Variants in ZNF532 observed in about 807,000 individuals in gnomAD.
ZNF532 encodes zinc finger protein 532.
Under a neutral mutation model 89.3 loss-of-function variants are expected in ZNF532, and 22 were observed. That is an observed-to-expected ratio of 0.25 (90% CI 0.18 to 0.35). ZNF532 has a LOEUF of 0.35. Among genes scored for constraint, ZNF532 ranks in the 10% least tolerant of loss-of-function variants. The probability of loss-of-function intolerance (pLI) is 1.00; values close to 1 mark genes in which losing one functional copy is unlikely to be tolerated. For missense variants in ZNF532, 1,132 were observed against 1,643.4 expected, an observed-to-expected ratio of 0.69 and a Z score of 5.38; for synonymous variants, 606 against 649.6, an observed-to-expected ratio of 0.93 and a Z score of 1.02.
chr18:58,979,026 C>T (rs549060664), intron 7 of ZNF532, 29 bp from the exon 8 acceptor site: 12 of 1,562,898 alleles, frequency 7.7e-6, no homozygotes, highest in South Asian at 1.1e-5. Flanking sequence ...TTTTCATTCC[C>T]TTAAGTGAAC....
intron 2 of ZNF532, among the ~76,000 whole-genome samples, chr18:58,915,969 T>C (rs1410427969): frequency 6.6e-6 from 1 of 152,058 alleles, no homozygotes; most frequent in Non-Finnish European, 1.5e-5. Flanking sequence ...AAAGAAAGAG[T>C]TGGGGGACTA....
At chr18:58,907,608 A>G (rs1437841242) in intron 2 of ZNF532, among the ~76,000 whole-genome samples, 2 of 151,878 alleles carry the variant, frequency 1.3e-5, no homozygotes, top group Admixed American at 6.6e-5. Flanking sequence ...GTCTGTGTAT[A>G]TTCATAATTT....
intron 2 of ZNF532, among the ~76,000 whole-genome samples, chr18:58,901,124 T>A (rs2059574942): frequency 6.6e-6 from 1 of 152,216 alleles, no homozygotes; most frequent in South Asian, 2.1e-4. Context: ...ATGGGACCTT[T>A]CCTCTGGGTC....
At chr18:58,979,385 A>G (rs1046322317) in intron 8 of ZNF532, 34 of 314,480 alleles carry the variant, frequency 1.1e-4, no homozygotes, top group Non-Finnish European at 1.9e-4. Flanking sequence ...TCCCACATAC[A>G]TTGTGTGTTT....
chr18:58,934,068 A>C (rs2062170694), intron 3 of ZNF532, among the ~76,000 whole-genome samples: 1 of 152,236 alleles, frequency 6.6e-6, no homozygotes, highest in Non-Finnish European at 1.5e-5. Context: ...ACTACTGTCA[A>C]GATGTGTATG....
chr18:58,882,417 G>C (rs1326774155), intron 2 of ZNF532, among the ~76,000 whole-genome samples: 1 of 152,102 alleles, frequency 6.6e-6, no homozygotes. Context: ...TAGGATGCAT[G>C]CCTGTTTCCT....
Position 58,959,253 on chromosome 18 carries a change from G to T in ZNF532, c.3150+5454G>T, listed in dbSNP as rs529706964. Among the ~76,000 whole-genome samples the T allele has an allele frequency of 8.8e-4, 107 of 121,588 alleles. No homozygotes were observed. In the South Asian group the frequency reaches 0.012, roughly 13 times the overall value. 79.8% of individuals were successfully genotyped at this position (121,588 alleles called of 152,430 possible). A position where few individuals can be genotyped will look rare whatever the true frequency, so the allele number is the denominator to read the frequency against. ...GAACCTTAGATCTTTTCAGTTTTTT[G>T]TTTTTTGTTTTTTTTTGTTTTTTTT... On this transcript the variant is annotated intron_variant, in intron 7 of 9. Coordinates refer to ENST00000591808, the MANE Select transcript of ZNF532 (RefSeq NM_001375912.1).
chr18:58,916,961 G>T (rs923022957), intron 2 of ZNF532, among the ~76,000 whole-genome samples: 1 of 152,200 alleles, frequency 6.6e-6, no homozygotes, highest in Non-Finnish European at 1.5e-5. Context: ...TTCGAAGGAA[G>T]GATAATGACA....
chr18:58,910,573 T>G (rs984260735), intron 2 of ZNF532, among the ~76,000 whole-genome samples: 1 of 151,826 alleles, frequency 6.6e-6, no homozygotes. Context: ...TTCAAACGAT[T>G]TTGCCGCTTC....
chr18:58,889,727 C>T (rs759450257), intron 2 of ZNF532, among the ~76,000 whole-genome samples: 24 of 151,458 alleles, frequency 1.6e-4, no homozygotes, highest in Middle Eastern at 3.2e-3. Flanking sequence ...GAGCCGAGGT[C>T]ACGCCACTGC....
rs772271814 is a variant in ZNF532, at chr18:58,984,317, G to A, written c.3757G>A (p.Glu1253Lys). ...DNQQENKPSH[E>K]DESPDGAVSD... ...CCAACAGGAGAACAAACCCAGCCACGAGGATGAATCCCCTGATGGCGCCGT... is the reference window on the plus strand; with the variant it reads ...CCAACAGGAGAACAAACCCAGCCACAAGGATGAATCCCCTGATGGCGCCGT... The change falls in exon 10 of 10, where the codon GAG (glutamate) becomes AAG (lysine). Residue 1253 changes from glutamate to lysine, a missense_variant. Coordinates refer to ENST00000591808, the MANE Select transcript of ZNF532 (RefSeq NM_001375912.1). 2.9e-5 allele frequency: 46 copies of A among 1,611,972 alleles called. No individual in the cohort carries two copies. The East Asian group carries it at 3.3e-4, about 12-fold the overall frequency.
At chr18:58,957,363 C>CG (rs2064880336) in intron 7 of ZNF532, among the ~76,000 whole-genome samples, 1 of 90,506 alleles carries the variant, frequency 1.1e-5, no homozygotes, top group Non-Finnish European at 2.0e-5. Flanking sequence ...AACCAGTGAA[C>CG]TTTGTATACT....
intron 2 of ZNF532, among the ~76,000 whole-genome samples, chr18:58,871,489 G>A (rs531340596): frequency 2.0e-5 from 3 of 152,188 alleles, no homozygotes; most frequent in African/African-American, 4.8e-5. Context: ...CTCCCAGCTC[G>A]TAAGTGGAAG....
rs540991973 is a variant in ZNF532, at chr18:58,900,093, C to T, written c.-17-18178C>T. On this transcript the variant is annotated intron_variant, in intron 2 of 9. Transcript: ENST00000591808. Reference sequence around the variant, plus strand: ...TCAGATCTCTTTGTCTAGAGGCTTTCCCATGCATCTGGTGATTGTTTAGGG... The same window carrying T: ...TCAGATCTCTTTGTCTAGAGGCTTTTCCATGCATCTGGTGATTGTTTAGGG... 2.0e-5 allele frequency among the ~76,000 whole-genome samples: 3 copies of T among 152,288 alleles called. No homozygotes were observed. In the East Asian group the frequency reaches 5.8e-4, roughly 29 times the overall value.
At chr18:58,960,786 A>G (rs188790759) in intron 7 of ZNF532, among the ~76,000 whole-genome samples, 62 of 152,306 alleles carry the variant, frequency 4.1e-4, no homozygotes, top group Admixed American at 3.8e-3. Flanking sequence ...GTTGGAGAGA[A>G]AGCTTCCATC....
intron 9 of ZNF532, among the ~76,000 whole-genome samples, chr18:58,983,601 C>CT (rs1033561485): frequency 1.6e-5 from 2 of 126,910 alleles, no homozygotes; most frequent in African/African-American, 9.2e-5. Context: ...ACACATATAC[C>CT]CCCCCCTTGC....
chr18:58,915,174 A>G (rs1368139472), intron 2 of ZNF532, among the ~76,000 whole-genome samples: 1 of 152,150 alleles, frequency 6.6e-6, no homozygotes, highest in Non-Finnish European at 1.5e-5. Flanking sequence ...TAGTTATACA[A>G]CCCCAGAGAG....
chr18:58,940,154 A>G (rs1291181461), intron 5 of ZNF532: 1 of 152,204 alleles, frequency 6.6e-6, no homozygotes, highest in East Asian at 1.9e-4. Flanking sequence ...TGGCCTCCCA[A>G]AGTGCTAGGA....
chr18:58,948,563 C>CTT lies in ZNF532; in HGVS notation c.2868+349_2868+350dup, dbSNP rs1299930937. ...GACTGTGAAGTTTTCCTTTCCTTTC[C>CTT]TTTTTTTTTTTTTTTTCTTTTTGAG... On this transcript the variant is annotated intron_variant, in intron 6 of 9. Transcript: ENST00000591808. Among the ~76,000 whole-genome samples the CTT allele has an allele frequency of 9.1e-3, 1,217 of 133,660 alleles. 24 individuals carry two copies. Among genetic ancestry groups the CTT allele is most frequent in the African/African-American group, 0.031 (1,116 of 36,138 alleles). 87.7% of individuals were successfully genotyped at this position (133,660 alleles called of 152,430 possible). A position where few individuals can be genotyped will look rare whatever the true frequency, so the allele number is the denominator to read the frequency against.
Sources: allele counts gnomAD v4.1 joint callset (sites outside exome capture counted in the v4.1 genomes callset), GRCh38; gene constraint gnomAD v4.1.1; transcripts MANE v1.5; gene names NCBI Gene and HGNC (gene_info 2026-07-23, HGNC 2026-07-21).